Variants in PARD3B observed in about 807,000 individuals in gnomAD.
PARD3B encodes the protein par-3 family cell polarity regulator beta.
Under a neutral mutation model 130.2 loss-of-function variants are expected in PARD3B, and 103 were observed. That is an observed-to-expected ratio of 0.79 (90% CI 0.67 to 0.93). The LOEUF (loss-of-function observed/expected upper bound fraction) is 0.93, where lower values mean the gene tolerates loss of function less well. Ranked by LOEUF, PARD3B falls within the 40% of genes least tolerant of loss-of-function variation. The probability of loss-of-function intolerance (pLI) is 0.00; values close to 1 mark genes in which losing one functional copy is unlikely to be tolerated. For missense variants in PARD3B, 1,609 were observed against 1,499.2 expected, an observed-to-expected ratio of 1.07 and a Z score of -1.21; for synonymous variants, 583 against 553.2, an observed-to-expected ratio of 1.05 and a Z score of -0.76.
chr2:204,552,424 G>A (rs1391552562), intron 1 of PARD3B, among the ~76,000 whole-genome samples: 2 of 152,148 alleles, frequency 1.3e-5, no homozygotes, highest in Non-Finnish European at 2.9e-5. Context: ...AGAAGGAGCA[G>A]TGAACAAAAA....
At chr2:205,060,266 A>C (rs576348787) in intron 4 of PARD3B, among the ~76,000 whole-genome samples, 1 of 152,186 alleles carries the variant, frequency 6.6e-6, no homozygotes, top group Non-Finnish European at 1.5e-5. Flanking sequence ...TCCTTCAAAA[A>C]TGGTGGCGTT....
intron 18 of PARD3B, among the ~76,000 whole-genome samples, chr2:205,335,960 TC>T (rs1327613630): frequency 2.0e-5 from 3 of 152,164 alleles, no homozygotes; most frequent in South Asian, 2.1e-4. Context: ...CGCCAGTTCC[TC>T]CCATGACACA....
intron 3 of PARD3B, among the ~76,000 whole-genome samples, chr2:205,009,661 A>T (rs1332019657): frequency 8.7e-6 from 1 of 115,446 alleles, no homozygotes. Flanking sequence ...ACAGAGCGAG[A>T]CTCCGTCTCA....
At chr2:204,642,164 G>A (rs977594774) in intron 1 of PARD3B, among the ~76,000 whole-genome samples, 4 of 152,170 alleles carry the variant, frequency 2.6e-5, no homozygotes, top group Non-Finnish European at 5.9e-5. Context: ...AAAGCTATAT[G>A]GAATTCTACC....
At chr2:205,312,530 C>T in intron 18 of PARD3B, among the ~76,000 whole-genome samples, 1 of 152,126 alleles carries the variant, frequency 6.6e-6, no homozygotes. Flanking sequence ...TGTCGAAGGC[C>T]ACCACCCATG....
rs150579592 is a variant in PARD3B at position 205,133,076 on chromosome 2, T to C, written c.1434+7339T>C. Among the ~76,000 whole-genome samples, 846 of 152,260 alleles carry C rather than the reference T, an allele frequency of 5.6e-3. 6 individuals are homozygous for C. The highest frequency in any genetic ancestry group is 0.019 in the African/African-American group (791 of 41,538). ...TCTTTTAAACCAAATTAAAAAAATA[T>C]ATGCAGGGATTTTCTCTGAGCAATA... On this transcript the variant is annotated intron_variant, in intron 10 of 22. Coordinates refer to ENST00000406610, the MANE Select transcript of PARD3B (RefSeq NM_001302769.2).
chr2:205,160,060 C>T lies in PARD3B; in HGVS notation c.1620+1153C>T, dbSNP rs1442424147. 2.6e-5 allele frequency among the ~76,000 whole-genome samples: 4 copies of T among 152,184 alleles called. No individual in the cohort carries two copies. Among genetic ancestry groups the T allele is most frequent in the Non-Finnish European group, 5.9e-5 (4 of 68,040 alleles). ...ATTCTGGCTTTGTTGAAGCAACTGT[C>T]GTCTCACACTTACCCTTCCACTTTT... On this transcript the variant is annotated intron_variant, in intron 11 of 22. Transcript: ENST00000406610. This position sits in a 1 kb window ranked among gnomAD's most constrained non-coding sequence, Gnocchi z 4.0.
At chr2:205,368,170 A>G (rs2044677750) in intron 18 of PARD3B, among the ~76,000 whole-genome samples, 1 of 152,240 alleles carries the variant, frequency 6.6e-6, no homozygotes, top group African/African-American at 2.4e-5. Context: ...ACAATACTAT[A>G]TCCATGGCAT....
In PARD3B at chr2:205,187,019, TGGTAGGCTGACAGGTA is replaced by T. The variant is rs1192490910; in HGVS notation, c.2024+1159_2024+1174del. The stretch of plus-strand genomic sequence containing the variant: ...GATATAAACCCTGTCTTCAGGAAGC[TGGTAGGCTGACAGGTA>T]GGCTCATGGGACGACTGGAACACAA... On this transcript the variant is annotated intron_variant, in intron 14 of 22. Transcript: ENST00000406610. The surrounding 1 kb of genome is among the most constrained non-coding windows in gnomAD (Gnocchi z 4.9). 7.2e-5 allele frequency among the ~76,000 whole-genome samples: 11 copies of T among 152,120 alleles called. No individual in the cohort carries two copies. The East Asian group carries it at 2.1e-3, about 29-fold the overall frequency.
chr2:204,814,781 C>G (rs2043087596), intron 2 of PARD3B, among the ~76,000 whole-genome samples: 2 of 151,664 alleles, frequency 1.3e-5, no homozygotes, highest in African/African-American at 4.8e-5. Context: ...TTTTTAAGAG[C>G]AGGATGAATA....
chr2:204,738,608 G>A (rs996183188), intron 2 of PARD3B, among the ~76,000 whole-genome samples: 6 of 152,130 alleles, frequency 3.9e-5, no homozygotes, highest in Admixed American at 2.0e-4. Context: ...GGCCAAAATC[G>A]TGGTATCAGC....
chr2:205,014,708 G>A (rs551366807), intron 3 of PARD3B, among the ~76,000 whole-genome samples: 1 of 152,314 alleles, frequency 6.6e-6, no homozygotes, highest in East Asian at 1.9e-4. Flanking sequence ...TACAGCTCTG[G>A]TGCAGCTTGT....
At chr2:204,978,679 T>C (rs1191081930) in intron 3 of PARD3B, among the ~76,000 whole-genome samples, 1 of 152,178 alleles carries the variant, frequency 6.6e-6, no homozygotes, top group Middle Eastern at 3.2e-3. Context: ...TGACAGATTT[T>C]GGCTGTGCAT....
chr2:205,254,687 G>A (rs1310035636), intron 16 of PARD3B, among the ~76,000 whole-genome samples: 1 of 147,634 alleles, frequency 6.8e-6, no homozygotes, highest in African/African-American at 2.5e-5. Context: ...TTTTTGAGAT[G>A]GAGTCTCGCT....
chr2:205,505,654 A>C, intron 21 of PARD3B, among the ~76,000 whole-genome samples: 1 of 152,212 alleles, frequency 6.6e-6, no homozygotes, highest in Admixed American at 6.5e-5. Flanking sequence ...AATACCTGTT[A>C]TCTGCTGGTA....
At chr2:204,882,773 A>C (rs1240779948) in intron 2 of PARD3B, among the ~76,000 whole-genome samples, 2 of 152,180 alleles carry the variant, frequency 1.3e-5, no homozygotes, top group Non-Finnish European at 2.9e-5. Flanking sequence ...ACTGATTTAG[A>C]TGGCTTTTCG....
chr2:205,328,532 G>A (rs1270502355), intron 18 of PARD3B, among the ~76,000 whole-genome samples: 2 of 152,014 alleles, frequency 1.3e-5, no homozygotes, highest in Non-Finnish European at 2.9e-5. Context: ...AACAGAAATA[G>A]AGTAATATTA....
chr2:205,216,847 T>C (rs921737639), intron 15 of PARD3B, among the ~76,000 whole-genome samples: 1 of 152,158 alleles, frequency 6.6e-6, no homozygotes, highest in African/African-American at 2.4e-5. Flanking sequence ...ATTTGTCTTA[T>C]GTAATGTGAA....
intron 18 of PARD3B, among the ~76,000 whole-genome samples, chr2:205,374,053 G>A (rs1461503172): frequency 6.6e-6 from 1 of 151,980 alleles, no homozygotes; most frequent in East Asian, 1.9e-4. Context: ...GAGGATTGGG[G>A]AAAAGTGCAA....
Sources: allele counts gnomAD v4.1 joint callset (sites outside exome capture counted in the v4.1 genomes callset), GRCh38; gene constraint gnomAD v4.1.1; non-coding constraint Gnocchi (gnomAD v3.1); transcripts MANE v1.5; gene names NCBI Gene and HGNC (gene_info 2026-07-23, HGNC 2026-07-21).